The following PSG1 variants were observed in gnomAD, a reference collection of about 807,000 sequenced individuals.
PSG1 encodes the protein pregnancy specific beta-1-glycoprotein 1.
A neutral mutation model predicts 41.4 loss-of-function variants in PSG1; 60 were observed. The observed-to-expected ratio is 1.45, with a 90% CI of 1.18 to 1.80. The LOEUF (loss-of-function observed/expected upper bound fraction) is 1.80, where lower values mean the gene tolerates loss of function less well. PSG1 is among the 40% of genes most tolerant of loss of function. The pLI, the probability that PSG1 is intolerant of heterozygous loss-of-function variation, is 0.00. For missense variants in PSG1, 806 were observed against 516.9 expected (o/e 1.56, Z -5.42); for synonymous variants, 256 against 192.9 (o/e 1.33, Z -2.71).
At chr19:42,869,679 G>C (rs1479457677) in intron 3 of PSG1, 3 of 156,514 alleles carry the variant, frequency 1.9e-5, no homozygotes, top group African/African-American at 4.8e-5. Context: ...GACCTCTAAA[G>C]ATAGAGCAGA....
In PSG1 at chr19:42,868,771, T is replaced by G; in HGVS notation, c.973A>C (p.Thr325Pro). The stretch of plus-strand genomic sequence containing the variant: ...AGATACTCACAGAGGACATTCAGGG[T>G]GACTGGGTCACTGCGGATGCCACCA... ...RYGGIRSDPV[T>P]LNVLYGPDLP... Residue 325 changes from threonine (T) to proline (P), a missense_variant, in exon 4 of 6, where the codon ACC (threonine) becomes CCC (proline). Transcript: ENST00000436291. 1 of 1,611,878 alleles carries G rather than the reference T, an allele frequency of 6.2e-7. No homozygotes were observed. Among genetic ancestry groups the G allele is most frequent in the Non-Finnish European group, 8.5e-7 (1 of 1,178,902 alleles).
chr19:42,867,792 A>T (rs1971195399), intron 5 of PSG1: 2 of 1,121,708 alleles, frequency 1.8e-6, no homozygotes, highest in South Asian at 1.4e-5. Flanking sequence ...TAGAAAACAA[A>T]CCATTTAAAG....
At chr19:42,875,206 G>A (rs1261792511) in intron 2 of PSG1, among the ~76,000 whole-genome samples, 2 of 151,732 alleles carry the variant, frequency 1.3e-5, no homozygotes, top group African/African-American at 2.4e-5. Context: ...GGTTAACCTT[G>A]GGAGGAATTT....
chr19:42,872,133 C>T (rs1971420853), intron 2 of PSG1, 88 bp from the exon 3 acceptor site: 1 of 1,515,580 alleles, frequency 6.6e-7, no homozygotes, highest in Non-Finnish European at 8.9e-7. Flanking sequence ...CATTTCCCAC[C>T]TCTCAGCCCA....
intron 3 of PSG1, chr19:42,870,509 T>A (rs1488482842): frequency 6.6e-6 from 1 of 151,736 alleles, no homozygotes; most frequent in East Asian, 1.9e-4. Flanking sequence ...GGCTGATTGC[T>A]ATTTTCTATG....
intron 3 of PSG1, chr19:42,869,291 G>A (rs571495148): frequency 8.4e-5 from 63 of 752,188 alleles, no homozygotes; most frequent in Middle Eastern, 4.1e-4. Context: ...GGACAGACAC[G>A]TCAGTGGGAG....
intron 5 of PSG1, chr19:42,867,548 G>A (rs1971182946): frequency 3.2e-6 from 2 of 626,054 alleles, no homozygotes; most frequent in Middle Eastern, 4.3e-4. Flanking sequence ...TCAAAGCATT[G>A]GTAATATAAC....
chr19:42,879,396 C>T, intron 1 of PSG1, 122 bp downstream of exon 1: 2 of 1,441,692 alleles, frequency 1.4e-6, no homozygotes, highest in Non-Finnish European at 1.9e-6. Flanking sequence ...TCATGATCCA[C>T]CCACCTCAGA....
chr19:42,866,730 T>A lies in PSG1; in HGVS notation c.*404A>T. ...TGAGATGTTATGTAAAAGTTTGAGG[T>A]TGAGATGACATATCTGACACTCTGT... On this transcript the variant is annotated 3_prime_UTR_variant, in exon 6 of 6. Coordinates refer to ENST00000436291, the MANE Select transcript of PSG1 (RefSeq NM_001184825.2). The A allele has an allele frequency of 2.3e-6, 1 of 429,082 alleles. No homozygotes were observed. The highest frequency in any genetic ancestry group is 3.1e-5 in the South Asian group (1 of 32,424). The allele number at this position is 429,082 out of a possible 1,614,324, so 26.6% of individuals were successfully genotyped here. A position where few individuals can be genotyped will look rare whatever the true frequency, so the allele number is the denominator to read the frequency against.
intron 2 of PSG1, among the ~76,000 whole-genome samples, chr19:42,874,760 T>C (rs1361076509): frequency 6.6e-6 from 1 of 151,552 alleles, no homozygotes; most frequent in African/African-American, 2.4e-5. Flanking sequence ...TAGAACTCTC[T>C]AGAAAGTGAC....
intron 2 of PSG1, among the ~76,000 whole-genome samples, chr19:42,877,272 G>T (rs1408380756): frequency 1.3e-5 from 2 of 151,646 alleles, no homozygotes; most frequent in Non-Finnish European, 2.9e-5. Flanking sequence ...TCCTAAGGCA[G>T]TTGGGTGATG....
chr19:42,872,035 A>T lies in PSG1; in HGVS notation c.441T>A (p.Pro147=), dbSNP rs1071708. 6.8e-6 allele frequency: 11 copies of T among 1,611,796 alleles called. No homozygotes were observed. Among genetic ancestry groups the T allele is most frequent in the East Asian group, 6.7e-5 (3 of 44,774 alleles). Residue 147 remains proline, a synonymous_variant, in exon 3 of 6, where the codon CCT becomes CCA. Coordinates refer to ENST00000436291, the MANE Select transcript of PSG1 (RefSeq NM_001184825.2). ...RFTFTLHLET[P]KPSISSSNLN... ...AGTTGCTGCTGGAGATGGAGGGCTT[A>T]GGAGTCTCCACTGTGCAGAAAACAG...
chr19:42,879,627 A>G lies in PSG1; in HGVS notation c.-46T>C. ...TCTCCTCTGTGGAGATAAGCCTAGG[A>G]TCCAGAAACTCTCTGAGCACGGCTG... On this transcript the variant is annotated 5_prime_UTR_variant, in exon 1 of 6. Transcript: ENST00000436291. The G allele has an allele frequency of 1.2e-6, 2 of 1,603,496 alleles. No individual in the cohort carries two copies. The highest frequency in any genetic ancestry group is 8.5e-7 in the Non-Finnish European group (1 of 1,173,924).
At chr19:42,868,640 G>T (rs1419392330) in intron 4 of PSG1, 116 bp downstream of exon 4, 8 of 1,550,074 alleles carry the variant, frequency 5.2e-6, no homozygotes, top group Non-Finnish European at 5.2e-6. Context: ...GGCCAGCTCC[G>T]ATGTCCAGAA....
intron 1 of PSG1, among the ~76,000 whole-genome samples, chr19:42,878,828 C>A (rs1353902683): frequency 2.6e-5 from 4 of 151,368 alleles, no homozygotes; most frequent in South Asian, 2.1e-4. Context: ...CTGGAACAGG[C>A]TGCAGACTCC....
At chr19:42,873,658 CA>C in intron 2 of PSG1, among the ~76,000 whole-genome samples, 1 of 151,626 alleles carries the variant, frequency 6.6e-6, no homozygotes, top group Non-Finnish European at 1.5e-5. Context: ...AGAAAGATGC[CA>C]AAGGTGATTT....
At position 42,870,523 on chromosome 19, in the gene PSG1, T is replaced by A. The variant is rs556727526; in HGVS notation, c.709+1244A>T. On this transcript the variant is annotated intron_variant, in intron 3 of 5. Coordinates refer to ENST00000436291, the MANE Select transcript of PSG1 (RefSeq NM_001184825.2). ...AGGCTGATTGCTATTTTCTATGTCA[T>A]CAGAACTTTCCACCTTTTCATGGTT... 3.2e-4 allele frequency: 48 copies of A among 151,808 alleles called. 1 individual carries two copies. The highest frequency in any genetic ancestry group is 1.1e-3 in the African/African-American group (47 of 41,380). The allele number at this position is 151,808 out of a possible 1,614,324, so 9.4% of individuals were successfully genotyped here. A position where few individuals can be genotyped will look rare whatever the true frequency, so the allele number is the denominator to read the frequency against.
At chr19:42,871,238 C>T (rs1771303063) in intron 3 of PSG1, among the ~76,000 whole-genome samples, 1 of 151,638 alleles carries the variant, frequency 6.6e-6, no homozygotes, top group African/African-American at 2.4e-5. Flanking sequence ...ATTGCTGGAA[C>T]TTCCCAGCAA....
chr19:42,869,824 T>C lies in PSG1; in HGVS notation c.710-790A>G, dbSNP rs1971305091. The C allele has an allele frequency of 2.0e-5, 3 of 151,726 alleles. 1 individual carries two copies. The South Asian group carries it at 6.3e-4, about 32-fold the overall frequency. 9.4% of individuals were successfully genotyped at this position (151,726 alleles called of 1,614,324 possible). A position where few individuals can be genotyped will look rare whatever the true frequency, so the allele number is the denominator to read the frequency against. ...AGGGCAGGTGAGGACCATGTGGATC[T>C]TTCCAGAAATACATGTGGACATTTG... is the stretch of plus-strand genomic sequence containing the variant. On this transcript the variant is annotated intron_variant, in intron 3 of 5. Coordinates refer to ENST00000436291, the MANE Select transcript of PSG1 (RefSeq NM_001184825.2).
Sources: allele counts gnomAD v4.1 joint callset (sites outside exome capture counted in the v4.1 genomes callset), GRCh38; gene constraint gnomAD v4.1.1; transcripts MANE v1.5; gene names NCBI Gene and HGNC (gene_info 2026-07-23, HGNC 2026-07-21).